The following GRM7 variants were observed in gnomAD, a reference collection of about 807,000 sequenced individuals.
GRM7 encodes the protein metabotropic glutamate receptor 7.
GRM7 carries 35 observed loss-of-function variants against 84.5 expected under a neutral mutation model. The observed-to-expected ratio is 0.41, with a 90% confidence interval of 0.32 to 0.55. GRM7 has a LOEUF of 0.55. Among genes scored for constraint, GRM7 ranks in the 20% least tolerant of loss-of-function variants. The probability of loss-of-function intolerance (pLI) is 0.19; values close to 1 mark genes in which losing one functional copy is unlikely to be tolerated. For synonymous variants in GRM7, 487 were observed against 455.1 expected (o/e 1.07, Z -0.89); for missense variants, 1,003 against 1,194.6 (o/e 0.84, Z 2.36).
intron 1 of GRM7, among the ~76,000 whole-genome samples, chr3:6,946,880 T>C (rs1698101743): frequency 6.6e-6 from 1 of 152,196 alleles, no homozygotes. Flanking sequence ...TAAGAAAGCT[T>C]GTGATTTTTG....
At chr3:7,479,571 T>C (rs1575398285) in intron 7 of GRM7, among the ~76,000 whole-genome samples, 1 of 152,284 alleles carries the variant, frequency 6.6e-6, no homozygotes, top group South Asian at 2.1e-4. Context: ...CTTCTAAATA[T>C]ATATTGATGA....
chr3:7,631,029 C>CCTCTCTGGATCT (rs1170602109), intron 8 of GRM7, among the ~76,000 whole-genome samples: 1 of 152,212 alleles, frequency 6.6e-6, no homozygotes, highest in Non-Finnish European at 1.5e-5. Context: ...TCACTTCAGT[C>CCTCTCTGGATCT]CTCTCTGGAT....
chr3:7,136,642 G>C (rs1445761336), intron 1 of GRM7, among the ~76,000 whole-genome samples: 1 of 152,060 alleles, frequency 6.6e-6, no homozygotes, highest in Non-Finnish European at 1.5e-5. Flanking sequence ...CAAATACTGT[G>C]AGTGTCTCTG....
chr3:7,061,532 G>C (rs1288704033), intron 1 of GRM7, among the ~76,000 whole-genome samples: 1 of 151,706 alleles, frequency 6.6e-6, no homozygotes, highest in African/African-American at 2.4e-5. Context: ...TTAAGATCTG[G>C]AAATTGTGAT....
At chr3:6,969,055 C>T (rs1349670634) in intron 1 of GRM7, among the ~76,000 whole-genome samples, 1 of 151,820 alleles carries the variant, frequency 6.6e-6, no homozygotes, top group Non-Finnish European at 1.5e-5. Context: ...AGTAGTTACA[C>T]CACTAAAATC....
chr3:7,268,598 TG>T (rs1225619780), intron 2 of GRM7, among the ~76,000 whole-genome samples: 1 of 152,220 alleles, frequency 6.6e-6, no homozygotes, highest in Non-Finnish European at 1.5e-5. Context: ...CACCTCATTC[TG>T]TTTTATTCTG....
At chr3:7,623,221 A>G (rs1337038345) in intron 8 of GRM7, among the ~76,000 whole-genome samples, 1 of 152,126 alleles carries the variant, frequency 6.6e-6, no homozygotes, top group Non-Finnish European at 1.5e-5. Context: ...TGCAGAATTA[A>G]AGAGGGATGG....
rs575926750 is a variant in GRM7, at chr3:7,008,175, A to G, written c.520-138277A>G. 2.0e-5 allele frequency among the ~76,000 whole-genome samples: 3 copies of G among 152,266 alleles called. No homozygotes were observed. In the South Asian group the frequency reaches 6.2e-4, roughly 32 times the overall value. ...TTGGCCTTTTTAACAGGGTCACCTA[A>G]AATGGATGAATTTTCTCATTGTGTC... On this transcript the variant is annotated intron_variant, in intron 1 of 9. Coordinates refer to ENST00000357716, the MANE Select transcript of GRM7 (RefSeq NM_000844.4).
At chr3:7,440,647 T>A (rs764395024) in intron 5 of GRM7, among the ~76,000 whole-genome samples, 5 of 152,136 alleles carry the variant, frequency 3.3e-5, no homozygotes, top group Admixed American at 6.6e-5. Flanking sequence ...TCAGTTCTCA[T>A]CTTCTAGCCT....
chr3:7,505,924 A>T (rs1006634794), intron 7 of GRM7, among the ~76,000 whole-genome samples: 4 of 152,112 alleles, frequency 2.6e-5, no homozygotes, highest in Admixed American at 2.0e-4. Context: ...TTCCTTCTCA[A>T]TGGGTTCCAT....
chr3:7,592,476 G>C (rs574366078), intron 8 of GRM7, among the ~76,000 whole-genome samples: 3 of 152,196 alleles, frequency 2.0e-5, no homozygotes, highest in African/African-American at 7.2e-5. Context: ...ATGACTAGAA[G>C]AGTAGTGTGA....
intron 8 of GRM7, among the ~76,000 whole-genome samples, chr3:7,678,801 G>C (rs1700242116): frequency 6.6e-6 from 1 of 152,198 alleles, no homozygotes. Flanking sequence ...GAAGAATTAA[G>C]ATCAGAAATG....
rs766506489 is a variant in GRM7, at chr3:7,555,906, C to G, written c.1516-22516C>G. Among the ~76,000 whole-genome samples, 28 of 152,156 alleles carry G rather than the reference C, an allele frequency of 1.8e-4. 1 individual carries two copies. Among genetic ancestry groups the G allele is most frequent in the Non-Finnish European group, 2.1e-4 (14 of 68,030 alleles). ...GACACCCTATAGGAAGGGCCAAAAG[C>G]ATTGCTAATCTTAGTAAAACTTATT... On this transcript the variant is annotated intron_variant, in intron 7 of 9. Transcript: ENST00000357716.
At chr3:6,926,740 C>T (rs1357184699) in intron 1 of GRM7, among the ~76,000 whole-genome samples, 1 of 152,182 alleles carries the variant, frequency 6.6e-6, no homozygotes, top group African/African-American at 2.4e-5. Flanking sequence ...CTGAACATCA[C>T]CATTTTAATA....
intron 7 of GRM7, among the ~76,000 whole-genome samples, chr3:7,564,904 C>T (rs1038510837): frequency 6.6e-5 from 10 of 152,258 alleles, no homozygotes; most frequent in Admixed American, 3.9e-4. Flanking sequence ...GGAGAGTGTT[C>T]AGAGAAGTCA....
intron 2 of GRM7, among the ~76,000 whole-genome samples, chr3:7,245,434 A>G (rs1161879429): frequency 6.6e-6 from 1 of 151,994 alleles, no homozygotes; most frequent in Non-Finnish European, 1.5e-5. Flanking sequence ...ATGAAAAGAG[A>G]TAACGACAAT....
At chr3:7,709,021 T>G (rs1001683533) in intron 9 of GRM7, among the ~76,000 whole-genome samples, 2 of 152,026 alleles carry the variant, frequency 1.3e-5, no homozygotes, top group Admixed American at 1.3e-4. Context: ...GATACATTGT[T>G]TATCTCCTAC....
chr3:7,300,098 C>G (rs1051766228), intron 3 of GRM7, among the ~76,000 whole-genome samples: 4 of 151,996 alleles, frequency 2.6e-5, no homozygotes, highest in Non-Finnish European at 5.9e-5. Context: ...AGAAGTCATG[C>G]CAATTTACAC....
At chr3:7,130,031 T>G (rs1362221580) in intron 1 of GRM7, among the ~76,000 whole-genome samples, 3 of 152,186 alleles carry the variant, frequency 2.0e-5, no homozygotes, top group Non-Finnish European at 2.9e-5. Context: ...TCATTAACTC[T>G]ATGGCCATGT....
Sources: gnomAD v4.1 joint callset for allele counts (sites outside exome capture counted in the v4.1 genomes callset) on GRCh38, gnomAD v4.1.1 for gene constraint, MANE v1.5 for transcripts, NCBI Gene and HGNC (gene_info 2026-07-23, HGNC 2026-07-21) for gene names.